RALGAPA2: variants seen among roughly 807,000 people sequenced by gnomAD.
The protein encoded by RALGAPA2 is ral GTPase-activating protein subunit alpha-2.
In RALGAPA2, 139 loss-of-function variants were observed where a neutral mutation model predicts 230.4. The ratio of observed to expected loss-of-function variants is 0.60; its 90% CI spans 0.53 to 0.69. RALGAPA2 has a LOEUF of 0.69. Among genes scored for constraint, RALGAPA2 ranks in the 30% least tolerant of loss-of-function variants. The pLI is 0.00. For synonymous variants in RALGAPA2, 847 were observed against 837.8 expected (o/e 1.01, Z -0.19); for missense variants, 2,163 against 2,276.0 (o/e 0.95, Z 1.01).
chr20:20,480,031 C>CT (rs1276479066), intron 36 of RALGAPA2, among the ~76,000 whole-genome samples: 1 of 152,078 alleles, frequency 6.6e-6, no homozygotes, highest in Non-Finnish European at 1.5e-5. Flanking sequence ...TAAAATAGAT[C>CT]TAACAAGGAA....
At chr20:20,623,385 T>G (rs1285526818) in intron 10 of RALGAPA2, among the ~76,000 whole-genome samples, 1 of 151,532 alleles carries the variant, frequency 6.6e-6, no homozygotes, top group African/African-American at 2.4e-5. Context: ...TTACTAGAGA[T>G]GAAGACAGAA....
chr20:20,459,254 T>C (rs2061244079), intron 37 of RALGAPA2, among the ~76,000 whole-genome samples: 1 of 152,152 alleles, frequency 6.6e-6, no homozygotes, highest in Non-Finnish European at 1.5e-5. Context: ...AATTTTACAC[T>C]ATTGAATATA....
At chr20:20,694,708 CA>C (rs1269400650) in intron 1 of RALGAPA2, among the ~76,000 whole-genome samples, 1 of 152,084 alleles carries the variant, frequency 6.6e-6, no homozygotes, top group Non-Finnish European at 1.5e-5. Context: ...GGCTTTAAGT[CA>C]AAAACACAGT....
At chr20:20,633,030 T>C (rs2066733905) in intron 9 of RALGAPA2, among the ~76,000 whole-genome samples, 1 of 151,780 alleles carries the variant, frequency 6.6e-6, no homozygotes, top group Admixed American at 6.6e-5. Flanking sequence ...TCTCTCTTTC[T>C]TTCTTTCTTT....
intron 23 of RALGAPA2, among the ~76,000 whole-genome samples, chr20:20,559,437 G>C (rs2064187451): frequency 6.6e-6 from 1 of 152,092 alleles, no homozygotes; most frequent in Non-Finnish European, 1.5e-5. Flanking sequence ...CCTCAGGCCA[G>C]ATCCACTAGC....
At chr20:20,444,142 A>AAC (rs1279773719) in intron 37 of RALGAPA2, among the ~76,000 whole-genome samples, 1 of 152,224 alleles carries the variant, frequency 6.6e-6, no homozygotes, top group South Asian at 2.1e-4. Flanking sequence ...ATGGCAACAC[A>AAC]ACACACACAC....
rs1245047941 is a variant in RALGAPA2, at chr20:20,392,394, C to G, written c.*895G>C. On this transcript the variant is annotated 3_prime_UTR_variant, in exon 40 of 40. Transcript: ENST00000202677. ...GCGTGAGGCTTTTGGAGGCACAAGGCCATTCGGGGGGTACCCGTCTCAGCC... is the reference window on the plus strand; with the variant it reads ...GCGTGAGGCTTTTGGAGGCACAAGGGCATTCGGGGGGTACCCGTCTCAGCC... The G allele has an allele frequency of 1.3e-5, 2 of 152,260 alleles. No individual in the cohort carries two copies. Among genetic ancestry groups the G allele is most frequent in the Admixed American group, 6.5e-5 (1 of 15,290 alleles). 9.4% of individuals were successfully genotyped at this position (152,260 alleles called of 1,614,324 possible).
intron 3 of RALGAPA2, chr20:20,659,609 T>C (rs1476459870): frequency 3.7e-6 from 1 of 270,716 alleles, no homozygotes; most frequent in Non-Finnish European, 7.3e-6. Flanking sequence ...GGAGTTAATA[T>C]GACTATAAAA....
chr20:20,616,062 TA>T lies in RALGAPA2; in HGVS notation c.1668del (p.Thr557GlnfsTer2). On this transcript the variant is annotated frameshift_variant, in exon 13 of 40. Coordinates refer to ENST00000202677, the MANE Select transcript of RALGAPA2 (RefSeq NM_020343.4). LOFTEE classifies it high-confidence loss of function. ...ACTTACCATGTCTTTTTATTCATTG[TA>T]AGCTCCATTATCATGCGCCTAAAAA... The part of the protein sequence containing the change: ...LIIFRRMIME[L>X]TMNKKTWEQM... 1 of 1,527,110 alleles carries T rather than the reference TA, an allele frequency of 6.5e-7. No individual in the cohort carries two copies. Among genetic ancestry groups the T allele is most frequent in the Non-Finnish European group, 8.8e-7 (1 of 1,138,210 alleles). 94.6% of individuals were successfully genotyped at this position (1,527,110 alleles called of 1,614,324 possible). A position where few individuals can be genotyped will look rare whatever the true frequency, so the allele number is the denominator to read the frequency against.
chr20:20,529,360 G>A (rs2063310622), intron 27 of RALGAPA2, among the ~76,000 whole-genome samples: 2 of 152,148 alleles, frequency 1.3e-5, no homozygotes, highest in South Asian at 4.1e-4. Flanking sequence ...TGTGGTAACT[G>A]CATTGTTTTT....
At chr20:20,440,688 G>A (rs375854739) in intron 37 of RALGAPA2, among the ~76,000 whole-genome samples, 32 of 152,342 alleles carry the variant, frequency 2.1e-4, no homozygotes, top group South Asian at 1.2e-3. Context: ...TTATTCCACT[G>A]TAACAATCAG....
At chr20:20,609,456 A>G (rs1415691539) in intron 14 of RALGAPA2, among the ~76,000 whole-genome samples, 1 of 152,182 alleles carries the variant, frequency 6.6e-6, no homozygotes, top group Non-Finnish European at 1.5e-5. Context: ...CTGAGGAGGG[A>G]AGTAATATCT....
intron 10 of RALGAPA2, among the ~76,000 whole-genome samples, chr20:20,628,595 T>G (rs1301232872): frequency 1.3e-5 from 2 of 149,960 alleles, no homozygotes; most frequent in Non-Finnish European, 3.0e-5. Context: ...ATGGTGGGGG[T>G]GGGGGCCATT....
intron 39 of RALGAPA2, among the ~76,000 whole-genome samples, chr20:20,394,499 G>A (rs1158537275): frequency 6.6e-6 from 1 of 152,146 alleles, no homozygotes; most frequent in East Asian, 1.9e-4. Context: ...ACTTATCCAG[G>A]CATGGTGGTG....
chr20:20,534,972 T>G (rs1283000004), intron 26 of RALGAPA2, among the ~76,000 whole-genome samples: 2 of 152,176 alleles, frequency 1.3e-5, no homozygotes, highest in African/African-American at 2.4e-5. Flanking sequence ...ACTAGGAAAT[T>G]TGAACTAACC....
intron 10 of RALGAPA2, among the ~76,000 whole-genome samples, chr20:20,626,967 G>A (rs1037748204): frequency 6.6e-6 from 1 of 152,120 alleles, no homozygotes; most frequent in African/African-American, 2.4e-5. Flanking sequence ...ATACACTCCA[G>A]GACCTTGACT....
intron 3 of RALGAPA2, among the ~76,000 whole-genome samples, chr20:20,665,726 T>G (rs1044841590): frequency 1.3e-5 from 2 of 152,214 alleles, no homozygotes; most frequent in Non-Finnish European, 1.5e-5. Context: ...GTTCCCACCT[T>G]CCGGTTTGTA....
At chr20:20,465,948 G>C (rs1471494566) in intron 37 of RALGAPA2, among the ~76,000 whole-genome samples, 1 of 152,366 alleles carries the variant, frequency 6.6e-6, no homozygotes. Flanking sequence ...GTATCTGCAA[G>C]GGCCAGGCTG....
In RALGAPA2 at chr20:20,592,742, C is replaced by A. The variant is rs544213270; in HGVS notation, c.2204-1428G>T. ...CTCTGTATAATCCTTTAATCTGAGT[C>A]ATAAGGCAAACTGATGGCTCACCTT... On this transcript the variant is annotated intron_variant, in intron 16 of 39. Transcript: ENST00000202677. 5.3e-5 allele frequency among the ~76,000 whole-genome samples: 8 copies of A among 152,268 alleles called. No individual in the cohort carries two copies. The East Asian group carries it at 1.4e-3, about 26-fold the overall frequency.
Sources: gnomAD v4.1 joint callset for allele counts (sites outside exome capture counted in the v4.1 genomes callset) on GRCh38, gnomAD v4.1.1 for gene constraint, MANE v1.5 for transcripts, NCBI Gene and HGNC (gene_info 2026-07-23, HGNC 2026-07-21) for gene names.